The following PDZD2 variants were observed in gnomAD, a reference collection of about 807,000 sequenced individuals.
PDZD2 encodes the protein PDZ domain-containing protein 2.
In PDZD2, 90 loss-of-function variants were observed where a neutral mutation model predicts 220.7. The ratio of observed to expected loss-of-function variants is 0.41; its 90% CI spans 0.34 to 0.49. PDZD2 has a LOEUF of 0.49. Among genes scored for constraint, PDZD2 ranks in the 20% least tolerant of loss-of-function variants. The probability of loss-of-function intolerance (pLI) is 0.28; values close to 1 mark genes in which losing one functional copy is unlikely to be tolerated. For synonymous variants in PDZD2, 1,375 were observed against 1,450.5 expected, an observed-to-expected ratio of 0.95 and a Z score of 1.18; for missense variants, 3,174 against 3,608.5, an observed-to-expected ratio of 0.88 and a Z score of 3.08.
chr5:32,095,995 C>T (rs199903111), intron 21 of PDZD2, among the ~76,000 whole-genome samples: 5 of 151,568 alleles, frequency 3.3e-5, no homozygotes, highest in East Asian at 2.0e-4. Context: ...CACCTGCCTC[C>T]GCCTCCCAAA....
chr5:32,012,423 G>A (rs759745137), intron 6 of PDZD2, among the ~76,000 whole-genome samples: 1 of 151,780 alleles, frequency 6.6e-6, no homozygotes, highest in Non-Finnish European at 1.5e-5. Context: ...TTGCTCTGTC[G>A]CCCAGACTGT....
chr5:31,958,669 G>A (rs1055563742), intron 2 of PDZD2, among the ~76,000 whole-genome samples: 1 of 152,124 alleles, frequency 6.6e-6, no homozygotes, highest in African/African-American at 2.4e-5. Flanking sequence ...CACCCAGGCT[G>A]GAGAGCAGTG....
intron 6 of PDZD2, among the ~76,000 whole-genome samples, chr5:32,027,788 A>G (rs1036363774): frequency 6.6e-6 from 1 of 151,950 alleles, no homozygotes; most frequent in African/African-American, 2.4e-5. Context: ...CCTGATTCCC[A>G]TTTTCTGAAT....
intron 1 of PDZD2, among the ~76,000 whole-genome samples, chr5:31,694,941 T>C (rs947818170): frequency 6.6e-6 from 1 of 151,986 alleles, no homozygotes; most frequent in Admixed American, 6.6e-5. Context: ...CTGACCAATA[T>C]GGTGACACCT....
At chr5:31,726,129 T>C (rs1423091239) in intron 1 of PDZD2, among the ~76,000 whole-genome samples, 1 of 152,206 alleles carries the variant, frequency 6.6e-6, no homozygotes, top group African/African-American at 2.4e-5. Context: ...CCTTTCCTTA[T>C]CTGTAGATTG....
In PDZD2 at chr5:32,090,293, C is replaced by T. The variant is rs142210528; in HGVS notation, c.6845C>T (p.Pro2282Leu). The change falls in exon 20 of 25, where the codon CCG (proline) becomes CTG (leucine). Residue 2282 changes from proline to leucine, a missense_variant. By Grantham distance (98) the Pro-to-Leu change is moderately conservative. This residue lies in a region of PDZD2 where 631 missense variants were observed against 789.9 expected (regional missense o/e 0.80). Coordinates refer to ENST00000438447, the MANE Select transcript of PDZD2 (RefSeq NM_178140.4). The surrounding 1 kb of genome is among the most constrained non-coding windows in gnomAD (Gnocchi z 4.3). ...ANGQGIYSVKPLLDTSRNLPA... is the reference protein window; with the variant it reads ...ANGQGIYSVKLLLDTSRNLPA... ...GGACAGGGCATATATAGTGTAAAGC[C>T]GCTGCTGGACACATCGAGGAATCTT... is the stretch of plus-strand genomic sequence containing the variant. 858 of 1,614,062 alleles carry T rather than the reference C, an allele frequency of 5.3e-4. No homozygotes were observed. The highest frequency in any genetic ancestry group is 1.1e-3 in the South Asian group (98 of 91,078).
At chr5:31,775,337 A>T (rs1366892657) in intron 1 of PDZD2, among the ~76,000 whole-genome samples, 1 of 130,436 alleles carries the variant, frequency 7.7e-6, no homozygotes, top group East Asian at 2.0e-4. Flanking sequence ...GATGTAATTG[A>T]AAAAAAAAAA....
At chr5:32,041,307 G>A (rs575467419) in intron 7 of PDZD2, among the ~76,000 whole-genome samples, 23 of 152,128 alleles carry the variant, frequency 1.5e-4, no homozygotes, top group South Asian at 4.2e-4. Flanking sequence ...ATCTCTGCCC[G>A]GCTGCCCCAT....
At chr5:31,869,933 C>A (rs1320657237) in intron 2 of PDZD2, among the ~76,000 whole-genome samples, 2 of 152,132 alleles carry the variant, frequency 1.3e-5, no homozygotes, top group Non-Finnish European at 2.9e-5. Flanking sequence ...GCTCAGGAGC[C>A]TCTCCGGCGA....
chr5:31,747,996 C>G (rs1034128719), intron 1 of PDZD2: 1 of 152,190 alleles, frequency 6.6e-6, no homozygotes, highest in Non-Finnish European at 1.5e-5. Flanking sequence ...GGTCCTCATT[C>G]CTTAGATTAC....
intron 1 of PDZD2, among the ~76,000 whole-genome samples, chr5:31,766,243 G>GA (rs1274256956): frequency 6.6e-6 from 1 of 151,902 alleles, no homozygotes; most frequent in Non-Finnish European, 1.5e-5. Flanking sequence ...TTTATGTCAG[G>GA]AAAAAACAAA....
chr5:31,714,830 G>A (rs188979273), intron 1 of PDZD2, among the ~76,000 whole-genome samples: 7 of 152,142 alleles, frequency 4.6e-5, no homozygotes, highest in African/African-American at 1.4e-4. Context: ...AGGCTGAGAC[G>A]GGCAGATTAC....
At chr5:32,078,198 CACTCTGCCT>C (rs1025597507) in intron 19 of PDZD2, among the ~76,000 whole-genome samples, 4 of 152,110 alleles carry the variant, frequency 2.6e-5, no homozygotes, top group Non-Finnish European at 5.9e-5. Flanking sequence ...AAAATCACAG[CACTCTGCCT>C]ACGTGAAATC....
rs113902329 is a variant in PDZD2, at chr5:32,061,003, C to T, written c.2320C>T (p.Arg774Cys). ...SVAKMESNLSRGDQILEVNSV... is the reference protein window; with the variant it reads ...SVAKMESNLSCGDQILEVNSV... ...TGTGGATTCTGTTGCCCTCCCTAGCCGCGGGGATCAAATCCTGGAAGTGAA... is the reference window on the plus strand; with the variant it reads ...TGTGGATTCTGTTGCCCTCCCTAGCTGCGGGGATCAAATCCTGGAAGTGAA... The change falls in exon 14 of 25, where the codon CGC (arginine) becomes TGC (cysteine). Residue 774 changes from arginine to cysteine, a missense_variant and splice_region_variant. By Grantham distance (180) the Arg-to-Cys change is radical. Coordinates refer to ENST00000438447, the MANE Select transcript of PDZD2 (RefSeq NM_178140.4). 2.5e-6 allele frequency: 4 copies of T among 1,614,116 alleles called. No homozygotes were observed. Among genetic ancestry groups the T allele is most frequent in the Non-Finnish European group, 8.5e-7 (1 of 1,179,994 alleles).
intron 2 of PDZD2, among the ~76,000 whole-genome samples, chr5:31,966,374 C>A (rs564852828): frequency 6.6e-6 from 1 of 152,210 alleles, no homozygotes; most frequent in Non-Finnish European, 1.5e-5. Context: ...TAAAAGCAAG[C>A]TTTGCATTTT....
At chr5:31,851,765 C>T (rs754556555) in intron 2 of PDZD2, among the ~76,000 whole-genome samples, 11 of 152,188 alleles carry the variant, frequency 7.2e-5, no homozygotes, top group Non-Finnish European at 1.0e-4. Context: ...AGGGAAAAGA[C>T]GCACCAGATC....
At chr5:32,053,741 C>T (rs2112311733) in intron 9 of PDZD2, 28 bp from the exon 10 acceptor site, 1 of 1,246,644 alleles carries the variant, frequency 8.0e-7, no homozygotes, top group East Asian at 2.3e-5. Context: ...ACACTGTCAA[C>T]CTGGACTCTC....
chr5:31,745,976 G>A (rs970121021), intron 1 of PDZD2, among the ~76,000 whole-genome samples: 1 of 152,112 alleles, frequency 6.6e-6, no homozygotes, highest in Non-Finnish European at 1.5e-5. Context: ...CAAGTGGAGG[G>A]CCTAGCATTA....
chr5:31,730,570 GT>G (rs1749466050), intron 1 of PDZD2, among the ~76,000 whole-genome samples: 1 of 112,514 alleles, frequency 8.9e-6, no homozygotes, highest in Non-Finnish European at 1.9e-5. Context: ...GTGTGTGTGT[GT>G]GTGTGTGTGT....
Sources: gnomAD v4.1 joint callset for allele counts (sites outside exome capture counted in the v4.1 genomes callset) on GRCh38, gnomAD v4.1.1 for gene constraint, gnomAD v4.1.1 regional missense constraint, Gnocchi (gnomAD v3.1) non-coding constraint, MANE v1.5 for transcripts, NCBI Gene and HGNC (gene_info 2026-07-23, HGNC 2026-07-21) for gene names.